CEP85L: variants seen among roughly 807,000 people sequenced by gnomAD.
The protein encoded by CEP85L is centrosomal protein 85L.
A neutral mutation model predicts 100.3 loss-of-function variants in CEP85L; 60 were observed. That is an observed-to-expected ratio of 0.60 (90% CI 0.49 to 0.74). The LOEUF (loss-of-function observed/expected upper bound fraction) is 0.74, where lower values mean the gene tolerates loss of function less well. CEP85L is among the 30% of genes least tolerant of loss of function. CEP85L has a pLI of 0.00. For synonymous variants in CEP85L, 319 were observed against 322.7 expected (o/e 0.99, Z 0.12); for missense variants, 973 against 936.2 (o/e 1.04, Z -0.51).
chr6:118,468,358 T>C (rs1772688966), intron 12 of CEP85L, among the ~76,000 whole-genome samples: 1 of 152,226 alleles, frequency 6.6e-6, no homozygotes, highest in Non-Finnish European at 1.5e-5. Context: ...CCTTATTATA[T>C]GGTCTTACTG....
At chr6:118,507,553 AC>A (rs1775728950) in intron 5 of CEP85L, among the ~76,000 whole-genome samples, 2 of 152,032 alleles carry the variant, frequency 1.3e-5, no homozygotes, top group Admixed American at 6.6e-5. Flanking sequence ...AAACCTTTAC[AC>A]CTCAGGTCAT....
chr6:118,699,470 A>G (rs78575721), intron 1 of CEP85L, among the ~76,000 whole-genome samples: 6 of 141,486 alleles, frequency 4.2e-5, no homozygotes, highest in Admixed American at 6.9e-5. Flanking sequence ...AAAAAAAAAG[A>G]CCCTACCAGA....
chr6:118,654,373 T>C (rs1023731548), upstream of CEP85L, among the ~76,000 whole-genome samples: 1 of 152,110 alleles, frequency 6.6e-6, no homozygotes, highest in African/African-American at 2.4e-5. Flanking sequence ...AATATATAAA[T>C]AGCAAAAGAA....
intron 3 of CEP85L, chr6:118,548,208 C>G (rs531876294): frequency 1.3e-5 from 2 of 152,068 alleles, no homozygotes; most frequent in African/African-American, 4.8e-5. Flanking sequence ...GAGACTGTGG[C>G]TAACCAATCG....
intron 6 of CEP85L, among the ~76,000 whole-genome samples, chr6:118,486,473 A>G (rs1195866612): frequency 6.6e-6 from 1 of 152,224 alleles, no homozygotes; most frequent in Non-Finnish European, 1.5e-5. Flanking sequence ...CATTATTATT[A>G]CCACATTGTT....
chr6:118,538,912 G>GA (rs11349682), intron 3 of CEP85L, among the ~76,000 whole-genome samples: 4 of 151,130 alleles, frequency 2.6e-5, no homozygotes, highest in Non-Finnish European at 4.4e-5. Context: ...AATAAAAATG[G>GA]AAAAAAAATT....
chr6:118,579,847 A>G (rs948655259), intron 2 of CEP85L, among the ~76,000 whole-genome samples: 3 of 152,222 alleles, frequency 2.0e-5, no homozygotes, highest in African/African-American at 7.2e-5. Flanking sequence ...CGGGCCAGCA[A>G]GCTTTGATAT....
chr6:118,541,914 G>C (rs1777918741), intron 3 of CEP85L, among the ~76,000 whole-genome samples: 1 of 152,142 alleles, frequency 6.6e-6, no homozygotes, highest in Non-Finnish European at 1.5e-5. Flanking sequence ...ATAAGGAAAT[G>C]TAACTGACCA....
chr6:118,613,713 C>G (rs990027817), intron 2 of CEP85L, among the ~76,000 whole-genome samples: 1 of 141,298 alleles, frequency 7.1e-6, no homozygotes, highest in Non-Finnish European at 1.5e-5. Context: ...CCCGAGATCG[C>G]ACCACTGCAC....
At chr6:118,469,563 A>T (rs149548910) in intron 11 of CEP85L, among the ~76,000 whole-genome samples, 57 of 152,248 alleles carry the variant, frequency 3.7e-4, no homozygotes, top group African/African-American at 1.3e-3. Context: ...ATCCAGTCTC[A>T]GTTTCTAGGA....
chr6:118,705,783 T>C (rs939300266), intron 1 of CEP85L, among the ~76,000 whole-genome samples: 3 of 152,206 alleles, frequency 2.0e-5, no homozygotes, highest in African/African-American at 7.2e-5. Flanking sequence ...AATAATTTAA[T>C]GGGAATGGTA....
At chr6:118,639,241 A>C (rs1774707178) in intron 1 of CEP85L, among the ~76,000 whole-genome samples, 2 of 152,310 alleles carry the variant, frequency 1.3e-5, no homozygotes, top group Non-Finnish European at 2.9e-5. Flanking sequence ...TTTTGCACAA[A>C]GAACCTATTC....
rs772562207 is a variant in CEP85L, at chr6:118,566,329, A to C, written c.233-13T>G. Reference sequence around the variant, plus strand: ...GAAGTTGAATGATCTGGAAAGAAAAAAGATGGTCAAATTAGTTACAATTAA... The same window carrying C: ...GAAGTTGAATGATCTGGAAAGAAAACAGATGGTCAAATTAGTTACAATTAA... On this transcript the variant is annotated splice_polypyrimidine_tract_variant and intron_variant, in intron 2 of 12. Coordinates refer to ENST00000368491, the MANE Select transcript of CEP85L (RefSeq NM_001042475.3). The C allele has an allele frequency of 6.3e-7, 1 of 1,595,050 alleles. No homozygotes were observed. Among genetic ancestry groups the C allele is most frequent in the East Asian group, 2.2e-5 (1 of 44,680 alleles).
intron 5 of CEP85L, among the ~76,000 whole-genome samples, chr6:118,505,560 G>A (rs957775163): frequency 7.7e-4 from 117 of 151,460 alleles, no homozygotes; most frequent in African/African-American, 2.7e-3. Flanking sequence ...AAAGAAAAAT[G>A]AACTATCAAG....
chr6:118,532,978 A>G (rs1777377067), intron 3 of CEP85L, among the ~76,000 whole-genome samples: 1 of 152,136 alleles, frequency 6.6e-6, no homozygotes, highest in South Asian at 2.1e-4. Context: ...GAAAATATCA[A>G]AATTTTAAGG....
intron 1 of CEP85L, among the ~76,000 whole-genome samples, chr6:118,668,912 G>A (rs1776211748): frequency 6.6e-6 from 1 of 152,136 alleles, no homozygotes; most frequent in Admixed American, 6.6e-5. Flanking sequence ...CTACCCTGTA[G>A]CCTGGCCCTA....
In CEP85L at chr6:118,568,091, G is replaced by A. The variant is rs77248819; in HGVS notation, c.233-1775C>T. Among the ~76,000 whole-genome samples the A allele has an allele frequency of 4.9e-3, 746 of 152,300 alleles. 14 individuals are homozygous for A. Among genetic ancestry groups the A allele is most frequent in the East Asian group, 0.037 (193 of 5,188 alleles). On this transcript the variant is annotated intron_variant, in intron 2 of 12. Transcript: ENST00000368491. ...TTGGAAGTAAGTCACATGATAAAAT[G>A]GACTCGGTGTGGAGCTACCATTTTT... is the stretch of plus-strand genomic sequence containing the variant.
At chr6:118,498,999 C>G (rs1030252243) in intron 5 of CEP85L, among the ~76,000 whole-genome samples, 5 of 152,184 alleles carry the variant, frequency 3.3e-5, no homozygotes, top group African/African-American at 1.2e-4. Flanking sequence ...CAACACACTT[C>G]TACATAATAC....
chr6:118,537,186 T>C (rs1252823166), intron 3 of CEP85L, among the ~76,000 whole-genome samples: 1 of 152,166 alleles, frequency 6.6e-6, no homozygotes, highest in African/African-American at 2.4e-5. Flanking sequence ...AACATGTTAA[T>C]TTAAGCATAT....
Sources: allele counts gnomAD v4.1 joint callset (sites outside exome capture counted in the v4.1 genomes callset), GRCh38; gene constraint gnomAD v4.1.1; transcripts MANE v1.5; gene names NCBI Gene and HGNC (gene_info 2026-07-23, HGNC 2026-07-21).